Variants in MROH7 observed in about 807,000 individuals in gnomAD.
The protein encoded by MROH7 is maestro heat-like repeat-containing protein family member 7.
A neutral mutation model predicts 129.2 loss-of-function variants in MROH7; 113 were observed. That is an observed-to-expected ratio of 0.87 (90% CI 0.75 to 1.02). The LOEUF (loss-of-function observed/expected upper bound fraction) is 1.02. MROH7 is among the 50% of genes least tolerant of loss of function. The probability of loss-of-function intolerance (pLI) is 0.00; values close to 1 mark genes in which losing one functional copy is unlikely to be tolerated. For missense variants in MROH7, 1,601 were observed against 1,671.3 expected (o/e 0.96, Z 0.73); for synonymous variants, 655 against 667.9 (o/e 0.98, Z 0.30).
chr1:54,673,623 G>A (rs1198791080), intron 8 of MROH7, 78 bp from the exon 9 acceptor site: 1 of 1,077,376 alleles, frequency 9.3e-7, no homozygotes, highest in Non-Finnish European at 1.4e-6. Context: ...CTGCTGATGG[G>A]TGAAGGCTGG....
intron 10 of MROH7, among the ~76,000 whole-genome samples, chr1:54,675,666 C>A (rs7534370): frequency 0.13 from 19,619 of 151,100 alleles, 1,409 homozygotes; most frequent in East Asian, 0.32. Flanking sequence ...GGCACGATCT[C>A]GGCTCACTGC....
intron 21 of MROH7, among the ~76,000 whole-genome samples, chr1:54,705,646 A>G (rs1341050238): frequency 6.6e-6 from 1 of 152,190 alleles, no homozygotes; most frequent in Admixed American, 6.5e-5. Context: ...AATTTCTTGT[A>G]GAAGGTGCAG....
At chr1:54,705,813 A>G (rs1328413234) in intron 21 of MROH7, among the ~76,000 whole-genome samples, 1 of 152,164 alleles carries the variant, frequency 6.6e-6, no homozygotes, top group Non-Finnish European at 1.5e-5. Context: ...TGATACACAT[A>G]GGTCGTCAAC....
chr1:54,674,043 C>A lies in MROH7; in HGVS notation c.1828C>A (p.Leu610Ile). 1 of 1,614,118 alleles carries A rather than the reference C, an allele frequency of 6.2e-7. No homozygotes were observed. Among genetic ancestry groups the A allele is most frequent in the Non-Finnish European group, 8.5e-7 (1 of 1,180,016 alleles). ...GCCCTTGGGGTTCCCGGCGCTGGGG[C>A]TTCTGCTGGGGAGACTCATCCTTCA... Reference protein sequence around the residue: ...FMPLGFPALGLLLGRLILHIG... With the variant: ...FMPLGFPALGILLGRLILHIG... Residue 610 changes from leucine to isoleucine, a missense_variant, in exon 10 of 24, where the codon CTT becomes ATT. Transcript: ENST00000421030.
intron 17 of MROH7, chr1:54,695,978 T>A (rs1308348926): frequency 7.6e-6 from 2 of 264,446 alleles, no homozygotes; most frequent in African/African-American, 4.5e-5. Context: ...TGAGTGTGTG[T>A]TGGGGAGGTG....
intron 16 of MROH7, among the ~76,000 whole-genome samples, chr1:54,695,084 T>A (rs1168469199): frequency 6.6e-6 from 1 of 152,226 alleles, no homozygotes; most frequent in Non-Finnish European, 1.5e-5. Context: ...CTCTCTCTGC[T>A]GCCTGACGTG....
intron 3 of MROH7, chr1:54,663,883 C>G (rs1644773173): frequency 4.8e-6 from 2 of 419,506 alleles, no homozygotes; most frequent in South Asian, 3.5e-5. Context: ...TGGCTGTGTT[C>G]ACTACAATTG....
chr1:54,680,378 T>G (rs1254303468), intron 13 of MROH7, among the ~76,000 whole-genome samples: 3 of 152,196 alleles, frequency 2.0e-5, no homozygotes, highest in African/African-American at 7.2e-5. Context: ...AGCCCAGAGC[T>G]CTTTAACAAT....
At chr1:54,670,683 C>CCCCCCCG in intron 6 of MROH7, 107 bp downstream of exon 6, 5 of 1,314,896 alleles carry the variant, frequency 3.8e-6, no homozygotes, top group South Asian at 1.4e-5. Context: ...CCCCACCCCT[C>CCCCCCCG]GCCCGGTGCC....
At chr1:54,648,166 G>A (rs1050534383) in intron 1 of MROH7, among the ~76,000 whole-genome samples, 14 of 151,638 alleles carry the variant, frequency 9.2e-5, no homozygotes, top group African/African-American at 3.4e-4. Flanking sequence ...TTATAGACGT[G>A]AGCCGCCATG....
In MROH7 at chr1:54,654,019, A is replaced by G. The variant is rs2101068398; in HGVS notation, c.1093A>G (p.Ile365Val). The G allele has an allele frequency of 1.2e-6, 2 of 1,614,230 alleles. No individual in the cohort carries two copies. The highest frequency in any genetic ancestry group is 2.2e-5 in the East Asian group (1 of 44,876). ...GCAGGATGATGCCAAGGACAACAGC[A>G]TCCACACTGTGCCCCTGGAGGAGAA... ...SQQDDAKDNS[I>V]HTVPLEENLE... The change falls in exon 3 of 24, where the codon ATC becomes GTC. Residue 365 changes from isoleucine (I) to valine (V), a missense_variant. Coordinates refer to ENST00000421030, the MANE Select transcript of MROH7 (RefSeq NM_001039464.4).
At chr1:54,682,086 C>T (rs780916691) in intron 13 of MROH7, among the ~76,000 whole-genome samples, 38 of 151,914 alleles carry the variant, frequency 2.5e-4, no homozygotes, top group Non-Finnish European at 4.9e-4. Flanking sequence ...TAATATCTGC[C>T]GAAGTAATAC....
intron 5 of MROH7, among the ~76,000 whole-genome samples, chr1:54,670,274 G>A (rs1466137447): frequency 6.6e-6 from 1 of 152,156 alleles, no homozygotes; most frequent in East Asian, 1.9e-4. Context: ...TTTGAGACCA[G>A]CCTGGGCAAC....
intron 4 of MROH7, among the ~76,000 whole-genome samples, chr1:54,668,525 A>C (rs1193323066): frequency 1.3e-5 from 2 of 152,084 alleles, no homozygotes; most frequent in Admixed American, 6.6e-5. Context: ...ACCCATATGA[A>C]GTGTTACTAA....
chr1:54,697,786 C>T (rs190581655), intron 17 of MROH7: 2 of 641,618 alleles, frequency 3.1e-6, no homozygotes, highest in East Asian at 2.7e-5. Flanking sequence ...TTTGGTCAGC[C>T]TCTTGGAGAG....
chr1:54,690,721 G>A (rs150398774), intron 15 of MROH7, among the ~76,000 whole-genome samples: 2,120 of 152,282 alleles, frequency 0.014, 30 homozygotes, highest in African/African-American at 0.031. Context: ...GGGATTACAG[G>A]CGTGAGCCAC....
chr1:54,682,328 C>A (rs953122009), intron 13 of MROH7, among the ~76,000 whole-genome samples: 1 of 151,942 alleles, frequency 6.6e-6, no homozygotes, highest in Non-Finnish European at 1.5e-5. Flanking sequence ...CCATGCCCAG[C>A]TAATTTTTTT....
At chr1:54,687,644 A>G (rs1435274131) in intron 15 of MROH7, among the ~76,000 whole-genome samples, 1 of 152,182 alleles carries the variant, frequency 6.6e-6, no homozygotes, top group Non-Finnish European at 1.5e-5. Flanking sequence ...TTGCATGATA[A>G]AGGATAAAAT....
chr1:54,676,701 A>T (rs1644986225), intron 10 of MROH7, among the ~76,000 whole-genome samples: 1 of 137,282 alleles, frequency 7.3e-6, no homozygotes, highest in Admixed American at 7.4e-5. Flanking sequence ...GGCCCAGCTT[A>T]TTTAATTTTT....
Sources: gnomAD v4.1 joint callset for allele counts (sites outside exome capture counted in the v4.1 genomes callset) on GRCh38, gnomAD v4.1.1 for gene constraint, MANE v1.5 for transcripts, NCBI Gene and HGNC (gene_info 2026-07-23, HGNC 2026-07-21) for gene names.